Variants in CDH7 observed in about 807,000 individuals in gnomAD.
CDH7 encodes the protein cadherin-7.
CDH7 carries 25 observed loss-of-function variants against 71.8 expected under a neutral mutation model. The ratio of observed to expected loss-of-function variants is 0.35; its 90% CI spans 0.25 to 0.49. The LOEUF (loss-of-function observed/expected upper bound fraction) is 0.49. CDH7 is among the 20% of genes least tolerant of loss of function. The pLI is 0.99. For synonymous variants in CDH7, 381 were observed against 363.8 expected, an observed-to-expected ratio of 1.05 and a Z score of -0.54; for missense variants, 862 against 974.6, an observed-to-expected ratio of 0.88 and a Z score of 1.54.
rs140943119 is a variant in CDH7 at position 65,880,538 on chromosome 18, A to G, written c.2002A>G (p.Met668Val). Residue 668 changes from methionine (M) to valine (V), a missense_variant, in exon 12 of 12, where the codon ATG becomes GTG. Met to Val is a conservative substitution (Grantham distance 21, BLOSUM62 1). Coordinates refer to ENST00000397968, the MANE Select transcript of CDH7 (RefSeq NM_004361.5). ...AGAGGAGGACACGGAAGCGTTTGACATGGCTGCACTGAGAAACCTCAACGT... is the reference window on the plus strand; with the variant it reads ...AGAGGAGGACACGGAAGCGTTTGACGTGGCTGCACTGAGAAACCTCAACGT... ...GGEEDTEAFD[M>V]AALRNLNVIR... 2.9e-5 allele frequency: 46 copies of G among 1,613,822 alleles called. No homozygotes were observed. In the African/African-American group the frequency reaches 5.6e-4, roughly 20 times the overall value.
chr18:65,832,888 A>T (rs150166742), intron 6 of CDH7, among the ~76,000 whole-genome samples: 2,418 of 152,070 alleles, frequency 0.016, 26 homozygotes, highest in Middle Eastern at 0.031. Flanking sequence ...TAAATATGGA[A>T]TTTTTTTCTA....
At chr18:65,834,783 T>C (rs1045156569) in intron 6 of CDH7, among the ~76,000 whole-genome samples, 1 of 152,210 alleles carries the variant, frequency 6.6e-6, no homozygotes, top group African/African-American at 2.4e-5. Context: ...TCTTCCCGAC[T>C]GTTTAATTTG....
chr18:65,881,643 A>T lies in CDH7; in HGVS notation c.*749A>T, dbSNP rs1317075910. The T allele has an allele frequency of 6.6e-6, 1 of 152,068 alleles. No individual in the cohort carries two copies. Among genetic ancestry groups the T allele is most frequent in the Non-Finnish European group, 1.5e-5 (1 of 67,980 alleles). The allele number at this position is 152,068 out of a possible 1,614,324, so 9.4% of individuals were successfully genotyped here. Reference sequence around the variant, plus strand: ...TGCTGTCTGTTCATTGATTTTTATTATCTCTTCTGATTTGTACAGGAGAAT... The same window carrying T: ...TGCTGTCTGTTCATTGATTTTTATTTTCTCTTCTGATTTGTACAGGAGAAT... On this transcript the variant is annotated 3_prime_UTR_variant, in exon 12 of 12. Coordinates refer to ENST00000397968, the MANE Select transcript of CDH7 (RefSeq NM_004361.5).
At chr18:65,798,069 G>A (rs1321643446) in intron 2 of CDH7, among the ~76,000 whole-genome samples, 4 of 152,188 alleles carry the variant, frequency 2.6e-5, no homozygotes, top group Non-Finnish European at 5.9e-5. Flanking sequence ...GAACTAAGGA[G>A]GAGGGCATGC....
At chr18:65,833,361 TGA>T (rs753823610) in intron 6 of CDH7, among the ~76,000 whole-genome samples, 1 of 152,220 alleles carries the variant, frequency 6.6e-6, no homozygotes, top group Non-Finnish European at 1.5e-5. Context: ...TGATATGTGG[TGA>T]GAGAGAATCA....
rs555985667 is a variant in CDH7 at position 65,884,591 on chromosome 18, G to A, written c.*3697G>A. 3.3e-5 allele frequency: 5 copies of A among 152,206 alleles called. No individual in the cohort carries two copies. The highest frequency in any genetic ancestry group is 2.1e-4 in the South Asian group (1 of 4,830). The allele number at this position is 152,206 out of a possible 1,614,324, so 9.4% of individuals were successfully genotyped here. On this transcript the variant is annotated 3_prime_UTR_variant, in exon 12 of 12. Coordinates refer to ENST00000397968, the MANE Select transcript of CDH7 (RefSeq NM_004361.5). ...CATAGGCAATTATTTTCATGTCAACGGCATAGTTACACAATGTAGGAATGA... is the reference window on the plus strand; with the variant it reads ...CATAGGCAATTATTTTCATGTCAACAGCATAGTTACACAATGTAGGAATGA...
intron 1 of CDH7, among the ~76,000 whole-genome samples, chr18:65,754,675 G>A (rs1248651810): frequency 6.6e-6 from 1 of 152,056 alleles, no homozygotes; most frequent in East Asian, 1.9e-4. Context: ...TCAAAATATA[G>A]GACTTATGTC....
At chr18:65,793,700 G>A (rs1463564895) in intron 2 of CDH7, among the ~76,000 whole-genome samples, 2 of 152,040 alleles carry the variant, frequency 1.3e-5, no homozygotes, top group Non-Finnish European at 2.9e-5. Context: ...ATTTTGTAAA[G>A]AAAATAAGAG....
intron 7 of CDH7, among the ~76,000 whole-genome samples, chr18:65,852,164 A>C (rs1049595481): frequency 2.6e-5 from 4 of 152,046 alleles, no homozygotes; most frequent in Non-Finnish European, 5.9e-5. Flanking sequence ...GGTGAAAAAA[A>C]ACAAATAGAA....
At chr18:65,813,732 A>G (rs1192689580) in intron 3 of CDH7, among the ~76,000 whole-genome samples, 1 of 152,098 alleles carries the variant, frequency 6.6e-6, no homozygotes, top group African/African-American at 2.4e-5. Flanking sequence ...TCCAAATGGA[A>G]AAAAAGGAAA....
At chr18:65,818,534 A>G (rs1157388951) in intron 4 of CDH7, among the ~76,000 whole-genome samples, 1 of 152,208 alleles carries the variant, frequency 6.6e-6, no homozygotes, top group Non-Finnish European at 1.5e-5. Context: ...CTGAATATGT[A>G]CTATATTTCT....
chr18:65,766,431 A>G (rs946712844), intron 2 of CDH7, among the ~76,000 whole-genome samples: 3 of 152,122 alleles, frequency 2.0e-5, no homozygotes, highest in Non-Finnish European at 2.9e-5. Context: ...CCAAAGTAGA[A>G]CATTCTGTTG....
At position 65,862,797 on chromosome 18, in the gene CDH7, G is replaced by A. The variant is rs1913618898; in HGVS notation, c.1744G>A (p.Val582Met). The A allele has an allele frequency of 5.6e-6, 9 of 1,613,880 alleles. No homozygotes were observed. Among genetic ancestry groups the A allele is most frequent in the Non-Finnish European group, 7.6e-6 (9 of 1,179,946 alleles). The change falls in exon 11 of 12, where the codon GTG (valine) becomes ATG (methionine). Residue 582 changes from valine (V) to methionine (M), a missense_variant. By Grantham distance (21) the Val-to-Met change is conservative (BLOSUM62 1). Coordinates refer to ENST00000397968, the MANE Select transcript of CDH7 (RefSeq NM_004361.5). The stretch of plus-strand genomic sequence containing the variant: ...CAGCACCAACACCCTCACCATCCGC[G>A]TGTGTGACTGTGATGCTGACGGCGT... Reference protein sequence around the residue: ...LSSTNTLTIRVCDCDADGVAQ... With the variant: ...LSSTNTLTIRMCDCDADGVAQ...
chr18:65,852,702 C>T (rs1913193789), intron 7 of CDH7, among the ~76,000 whole-genome samples: 1 of 151,988 alleles, frequency 6.6e-6, no homozygotes, highest in Non-Finnish European at 1.5e-5. Context: ...GGGAGGCTAG[C>T]AAATATAGTT....
intron 6 of CDH7, among the ~76,000 whole-genome samples, chr18:65,838,946 T>A (rs1254263351): frequency 2.0e-5 from 3 of 152,230 alleles, no homozygotes. Flanking sequence ...AATAACAGCA[T>A]AATAGTAATA....
chr18:65,773,505 T>G (rs1234604703), intron 2 of CDH7, among the ~76,000 whole-genome samples: 1 of 152,116 alleles, frequency 6.6e-6, no homozygotes, highest in Non-Finnish European at 1.5e-5. Context: ...AGGAATTGTC[T>G]TGAAAATACA....
chr18:65,801,230 A>G (rs888012525), intron 2 of CDH7, among the ~76,000 whole-genome samples: 2 of 152,166 alleles, frequency 1.3e-5, no homozygotes, highest in Admixed American at 6.5e-5. Flanking sequence ...GGTGATTAGT[A>G]TATGTTGAGT....
chr18:65,864,916 C>A lies in CDH7; in HGVS notation c.1864+1999C>A, dbSNP rs564934282. ...AAAAAAAAAAAAAAAAAAAAAAAATCCATTCATGTTTAGAATGTCTTTAGC... is the reference window on the plus strand; with the variant it reads ...AAAAAAAAAAAAAAAAAAAAAAAATACATTCATGTTTAGAATGTCTTTAGC... On this transcript the variant is annotated intron_variant, in intron 11 of 11. Transcript: ENST00000397968. Among the ~76,000 whole-genome samples, 661 of 142,332 alleles carry A rather than the reference C, an allele frequency of 4.6e-3. 4 individuals carry two copies. The highest frequency in any genetic ancestry group is 0.018 in the African/African-American group (636 of 36,230). 93.4% of individuals were successfully genotyped at this position (142,332 alleles called of 152,430 possible).
chr18:65,847,049 TATAAC>T (rs1912959817), intron 7 of CDH7, among the ~76,000 whole-genome samples: 1 of 151,972 alleles, frequency 6.6e-6, no homozygotes, highest in South Asian at 2.1e-4. Context: ...TTCCAATAGA[TATAAC>T]ATATTGTATG....
Sources: gnomAD v4.1 joint callset for allele counts (sites outside exome capture counted in the v4.1 genomes callset) on GRCh38, gnomAD v4.1.1 for gene constraint, MANE v1.5 for transcripts, NCBI Gene and HGNC (gene_info 2026-07-23, HGNC 2026-07-21) for gene names.